LUZP2: variants seen among roughly 807,000 people sequenced by gnomAD.
LUZP2 encodes leucine zipper protein 2.
LUZP2 carries 52 observed loss-of-function variants against 51.6 expected under a neutral mutation model. That is an observed-to-expected ratio of 1.01 (90% confidence interval 0.81 to 1.27). The LOEUF is 1.27. Among genes scored for constraint, LUZP2 ranks in the 50% most tolerant of loss-of-function variants. LUZP2 has a pLI of 0.00. For synonymous variants in LUZP2, 154 were observed against 137.3 expected (o/e 1.12, Z -0.85); for missense variants, 436 against 395.4 (o/e 1.10, Z -0.87).
intron 10 of LUZP2, among the ~76,000 whole-genome samples, chr11:25,053,324 A>G (rs1421982437): frequency 6.6e-6 from 1 of 152,142 alleles, no homozygotes; most frequent in Non-Finnish European, 1.5e-5. Context: ...AACAGAAGAG[A>G]TTGGTACTCT....
At chr11:24,854,161 T>C (rs1851481392) in intron 5 of LUZP2, among the ~76,000 whole-genome samples, 1 of 152,220 alleles carries the variant, frequency 6.6e-6, no homozygotes, top group Admixed American at 6.5e-5. Context: ...CTGGGAGATC[T>C]GCTGCTCTCT....
chr11:25,080,046 A>C lies in LUZP2; in HGVS notation c.*1388A>C, dbSNP rs1859421969. 1 of 152,196 alleles carries C rather than the reference A, an allele frequency of 6.6e-6. No homozygotes were observed. Among genetic ancestry groups the C allele is most frequent in the African/African-American group, 2.4e-5 (1 of 41,458 alleles). 9.4% of individuals were successfully genotyped at this position (152,196 alleles called of 1,614,324 possible). Reference sequence around the variant, plus strand: ...GGAAAATATCGTTAGCTGTAAAAGTAATATTATGACATATTTATGTAGCAC... The same window carrying C: ...GGAAAATATCGTTAGCTGTAAAAGTCATATTATGACATATTTATGTAGCAC... On this transcript the variant is annotated 3_prime_UTR_variant, in exon 12 of 12. Transcript: ENST00000336930.
chr11:24,730,795 A>G (rs991415702), intron 2 of LUZP2, among the ~76,000 whole-genome samples: 3 of 151,790 alleles, frequency 2.0e-5, no homozygotes, highest in African/African-American at 4.8e-5. Flanking sequence ...AAGTTGCTTG[A>G]TACCAATATA....
intron 5 of LUZP2, among the ~76,000 whole-genome samples, chr11:24,889,361 G>A (rs1852775261): frequency 1.3e-5 from 2 of 152,080 alleles, no homozygotes; most frequent in African/African-American, 2.4e-5. Flanking sequence ...AAGGTGAGGA[G>A]GTGATGCAAA....
chr11:24,931,526 A>G (rs1412915007), intron 7 of LUZP2, among the ~76,000 whole-genome samples: 1 of 152,150 alleles, frequency 6.6e-6, no homozygotes, highest in Non-Finnish European at 1.5e-5. Flanking sequence ...GAGACTTTCT[A>G]GTGTCTTTTG....
At chr11:24,921,719 C>T (rs1429678019) in intron 7 of LUZP2, among the ~76,000 whole-genome samples, 2 of 152,162 alleles carry the variant, frequency 1.3e-5, no homozygotes, top group East Asian at 3.9e-4. Context: ...AAAACATATA[C>T]AGGAAGATGT....
chr11:24,882,928 G>A (rs552950985), intron 5 of LUZP2, among the ~76,000 whole-genome samples: 3 of 131,640 alleles, frequency 2.3e-5, no homozygotes, highest in East Asian at 4.3e-4. Context: ...AAGAAAGAAC[G>A]AAAGAAAGAA....
At chr11:24,569,956 G>A (rs1852381065) in intron 1 of LUZP2, among the ~76,000 whole-genome samples, 1 of 152,062 alleles carries the variant, frequency 6.6e-6, no homozygotes, top group East Asian at 1.9e-4. Flanking sequence ...TTTTCACTCA[G>A]TGTTTCAAAA....
At chr11:24,521,907 T>C (rs907706810) in intron 1 of LUZP2, among the ~76,000 whole-genome samples, 4 of 152,164 alleles carry the variant, frequency 2.6e-5, no homozygotes, top group Non-Finnish European at 2.9e-5. Context: ...TGCATTTTTT[T>C]CTTTGACCAC....
chr11:24,890,854 A>T lies in LUZP2; in HGVS notation c.397-15137A>T, dbSNP rs150455105. ...TTCTAAAATCACATATAGAAAAAAT[A>T]TAAAGCATTTTAGGGCCATTTACAG... On this transcript the variant is annotated intron_variant, in intron 5 of 11. Coordinates refer to ENST00000336930, the MANE Select transcript of LUZP2 (RefSeq NM_001009909.4). 8.1e-4 allele frequency: 746 copies of T among 924,202 alleles called. 5 individuals are homozygous for T. The African/African-American group carries it at 0.012, about 15-fold the overall frequency. 57.3% of individuals were successfully genotyped at this position (924,202 alleles called of 1,614,324 possible).
At chr11:24,957,680 CT>C (rs1484828088) in intron 7 of LUZP2, among the ~76,000 whole-genome samples, 1 of 152,134 alleles carries the variant, frequency 6.6e-6, no homozygotes, top group African/African-American at 2.4e-5. Context: ...AAATTTATTT[CT>C]TTTCAAAGGC....
rs145231180 is a variant in LUZP2 at position 24,818,634 on chromosome 11, CATTT to C, written c.396+55331_396+55334del. On this transcript the variant is annotated intron_variant, in intron 5 of 11. Coordinates refer to ENST00000336930, the MANE Select transcript of LUZP2 (RefSeq NM_001009909.4). Reference sequence around the variant, plus strand: ...AAAATTATGGGAAGTTTTACTTTGTCATTTATTTGTTTATTCAACAAATATTTAC... The same window carrying C: ...AAAATTATGGGAAGTTTTACTTTGTCATTTGTTTATTCAACAAATATTTAC... Among the ~76,000 whole-genome samples, 1,615 of 152,050 alleles carry C rather than the reference CATTT, an allele frequency of 0.011. 82 individuals carry two copies. In the East Asian group the frequency reaches 0.17, roughly 16 times the overall value.
chr11:24,903,311 A>C (rs548457370), intron 5 of LUZP2, among the ~76,000 whole-genome samples: 1 of 152,234 alleles, frequency 6.6e-6, no homozygotes, highest in Admixed American at 6.5e-5. Flanking sequence ...AACAAATCAG[A>C]ATAACTTCCT....
intron 9 of LUZP2, among the ~76,000 whole-genome samples, chr11:24,999,114 A>G (rs534472201): frequency 6.6e-6 from 1 of 152,270 alleles, no homozygotes; most frequent in Admixed American, 6.5e-5. Flanking sequence ...CAAAATTTCA[A>G]TGTTACATTT....
intron 1 of LUZP2, among the ~76,000 whole-genome samples, chr11:24,660,595 AC>A (rs1185704146): frequency 6.6e-6 from 1 of 152,098 alleles, no homozygotes; most frequent in African/African-American, 2.4e-5. Flanking sequence ...AAAGCGAAGA[AC>A]CCCTGATCAT....
chr11:24,518,380 GC>G (rs1018919000), intron 1 of LUZP2, among the ~76,000 whole-genome samples: 25 of 152,022 alleles, frequency 1.6e-4, no homozygotes, highest in African/African-American at 6.0e-4. Flanking sequence ...TGTCTGATAT[GC>G]CTATTTTCCC....
At chr11:24,968,697 CAT>C (rs1855659754) in intron 7 of LUZP2, among the ~76,000 whole-genome samples, 1 of 152,210 alleles carries the variant, frequency 6.6e-6, no homozygotes, top group Non-Finnish European at 1.5e-5. Context: ...CTGCTCACTT[CAT>C]ATTTCTCTGA....
intron 7 of LUZP2, among the ~76,000 whole-genome samples, chr11:24,958,361 T>A (rs1254104855): frequency 6.6e-6 from 1 of 152,238 alleles, no homozygotes; most frequent in East Asian, 1.9e-4. Context: ...TAGTTGACAG[T>A]CCCACCAACA....
At position 25,081,096 on chromosome 11, in the gene LUZP2, C is replaced by T. The variant is rs1198431886; in HGVS notation, c.*2438C>T. 6 of 125,458 alleles carry T rather than the reference C, an allele frequency of 4.8e-5. No homozygotes were observed. The highest frequency in any genetic ancestry group is 5.3e-4 in the South Asian group (2 of 3,806). 7.8% of individuals were successfully genotyped at this position (125,458 alleles called of 1,614,324 possible). A position where few individuals can be genotyped will look rare whatever the true frequency, so the allele number is the denominator to read the frequency against. ...TTGCCCAGGCTGGAGTGCAATGGAG[C>T]GATCTTGGCTCACTGCAACTCTGCT... On this transcript the variant is annotated 3_prime_UTR_variant, in exon 12 of 12. Transcript: ENST00000336930.
Sources: allele counts gnomAD v4.1 joint callset (sites outside exome capture counted in the v4.1 genomes callset), GRCh38; gene constraint gnomAD v4.1.1; transcripts MANE v1.5; gene names NCBI Gene and HGNC (gene_info 2026-07-23, HGNC 2026-07-21).